Variants in CEMIP2 observed in about 807,000 individuals in gnomAD.
CEMIP2 encodes cell migration inducing hyaluronidase 2, also known as cell surface hyaluronidase CEMIP2.
CEMIP2 carries 79 observed loss-of-function variants against 146.9 expected under a neutral mutation model. The observed-to-expected ratio is 0.54, with a 90% confidence interval of 0.45 to 0.65. CEMIP2 has a LOEUF of 0.65. CEMIP2 is among the 30% of genes least tolerant of loss of function. The probability of loss-of-function intolerance (pLI) is 0.00; values close to 1 mark genes in which losing one functional copy is unlikely to be tolerated. For missense variants in CEMIP2, 1,596 were observed against 1,696.2 expected, an observed-to-expected ratio of 0.94 and a Z score of 1.04; for synonymous variants, 601 against 606.3, an observed-to-expected ratio of 0.99 and a Z score of 0.13.
chr9:71,725,705 G>A lies in CEMIP2; in HGVS notation c.2054C>T (p.Ala685Val). 6.2e-7 allele frequency: 1 copy of A among 1,611,858 alleles called. No individual in the cohort carries two copies. Among genetic ancestry groups the A allele is most frequent in the Non-Finnish European group, 8.5e-7 (1 of 1,178,988 alleles). Residue 685 changes from alanine to valine, a missense_variant, in exon 11 of 24, where the codon GCT becomes GTT. Coordinates refer to ENST00000377044, the MANE Select transcript of CEMIP2 (RefSeq NM_013390.3). ...INNAAAGSQDAGIWYLFHKEP... is the reference protein window; with the variant it reads ...INNAAAGSQDVGIWYLFHKEP... The stretch of plus-strand genomic sequence containing the variant: ...CTTGTGGAATAAATACCATATTCCA[G>A]CATCCTACAAATGAAAGGACAAGCC...
At chr9:71,693,747 A>G (rs1265496128) in intron 21 of CEMIP2, among the ~76,000 whole-genome samples, 1 of 152,248 alleles carries the variant, frequency 6.6e-6, no homozygotes, top group Non-Finnish European at 1.5e-5. Context: ...AATTCATGTC[A>G]CCAAGATAGA....
intron 1 of CEMIP2, among the ~76,000 whole-genome samples, chr9:71,753,986 T>A (rs2132027440): frequency 6.6e-6 from 1 of 152,278 alleles, no homozygotes; most frequent in East Asian, 1.9e-4. Flanking sequence ...TGACCACATG[T>A]TCTCACTCAT....
chr9:71,761,569 T>A (rs1824639035), intron 1 of CEMIP2, among the ~76,000 whole-genome samples: 1 of 152,226 alleles, frequency 6.6e-6, no homozygotes, highest in Non-Finnish European at 1.5e-5. Context: ...GTTGACTATT[T>A]CTTTCAACTG....
intron 10 of CEMIP2, among the ~76,000 whole-genome samples, chr9:71,728,229 CTCTATA>C (rs1457779826): frequency 4.1e-4 from 7 of 17,154 alleles, no homozygotes; most frequent in African/African-American, 8.4e-4. Context: ...CTCTCTCTCT[CTCTATA>C]TATATATATA....
At chr9:71,713,128 C>T (rs180716489) in intron 15 of CEMIP2, among the ~76,000 whole-genome samples, 34 of 152,276 alleles carry the variant, frequency 2.2e-4, no homozygotes, top group African/African-American at 8.2e-4. Context: ...TATGGTCTGG[C>T]TCTGTGTCCC....
chr9:71,755,204 T>TTA (rs55678260), intron 1 of CEMIP2, among the ~76,000 whole-genome samples: 7 of 150,932 alleles, frequency 4.6e-5, no homozygotes, highest in East Asian at 1.9e-4. Context: ...TTTTTTTTTT[T>TTA]ACCTATAAAA....
intron 1 of CEMIP2, among the ~76,000 whole-genome samples, chr9:71,756,493 C>G (rs1249088243): frequency 1.5e-5 from 2 of 136,892 alleles, no homozygotes; most frequent in Non-Finnish European, 3.2e-5. Context: ...CTCTCTCTCT[C>G]TCTCTCTCTC....
chr9:71,736,965 A>G (rs1823777496), intron 5 of CEMIP2, among the ~76,000 whole-genome samples: 1 of 151,930 alleles, frequency 6.6e-6, no homozygotes, highest in African/African-American at 2.4e-5. Flanking sequence ...CACTGAGTCC[A>G]GGAGACCAGC....
rs1444390274 is a variant in CEMIP2, at chr9:71,684,933, CG to C, written c.*263del. The C allele has an allele frequency of 3.3e-5, 13 of 393,064 alleles. No homozygotes were observed. In the East Asian group the frequency reaches 4.8e-4, roughly 14 times the overall value. 24.3% of individuals were successfully genotyped at this position (393,064 alleles called of 1,614,324 possible). On this transcript the variant is annotated 3_prime_UTR_variant, in exon 24 of 24. Transcript: ENST00000377044. The stretch of plus-strand genomic sequence containing the variant: ...CATTGCTCATGGTCATTACAAAATA[CG>C]GGGGTGGAAAGTGAGGAATAAGAGA...
intron 1 of CEMIP2, among the ~76,000 whole-genome samples, chr9:71,764,328 T>G (rs1179946803): frequency 1.3e-5 from 2 of 152,100 alleles, no homozygotes; most frequent in African/African-American, 2.4e-5. Flanking sequence ...AAGCAGTGAC[T>G]TTCAAAGCCC....
chr9:71,729,974 A>C (rs1419483283), intron 9 of CEMIP2, 60 bp from the exon 10 acceptor site: 6 of 1,612,868 alleles, frequency 3.7e-6, no homozygotes, highest in Non-Finnish European at 5.1e-6. Context: ...GCCCACTAAA[A>C]ACTTCCCCCA....
In CEMIP2 at chr9:71,698,112, G is replaced by A. The variant is rs781342591; in HGVS notation, c.3470C>T (p.Ala1157Val). 8.7e-6 allele frequency: 14 copies of A among 1,614,096 alleles called. No individual in the cohort carries two copies. Among genetic ancestry groups the A allele is most frequent in the Non-Finnish European group, 1.2e-5 (14 of 1,180,008 alleles). Residue 1157 changes from alanine to valine, a missense_variant, in exon 20 of 24, where the codon GCC (alanine) becomes GTC (valine). Transcript: ENST00000377044. ...GTTACTGATGTCCTTTGAGTCTGTG[G>A]CTGCTTGGATCTTGACTCTTTCACA... ...QGCERVKIQAATDSKDISNCM... is the reference protein window; with the variant it reads ...QGCERVKIQAVTDSKDISNCM...
rs1017718028 is a variant in CEMIP2 at position 71,685,014 on chromosome 9, G to T, written c.*183C>A. The T allele has an allele frequency of 1.9e-6, 1 of 530,184 alleles. No homozygotes were observed. Among genetic ancestry groups the T allele is most frequent in the Non-Finnish European group, 3.2e-6 (1 of 309,422 alleles). 32.8% of individuals were successfully genotyped at this position (530,184 alleles called of 1,614,324 possible). On this transcript the variant is annotated 3_prime_UTR_variant, in exon 24 of 24. Coordinates refer to ENST00000377044, the MANE Select transcript of CEMIP2 (RefSeq NM_013390.3). Reference sequence around the variant, plus strand: ...ATACAAACAACGTCTTTAACATTTTGTACAACTAGAAGGTGCATGAAGCTG... The same window carrying T: ...ATACAAACAACGTCTTTAACATTTTTTACAACTAGAAGGTGCATGAAGCTG...
In CEMIP2 at chr9:71,750,251, T is replaced by TGGA. The variant is rs1257132631; in HGVS notation, c.120_122dup (p.Pro41dup). The TGGA allele has an allele frequency of 6.2e-7, 1 of 1,614,102 alleles. No individual in the cohort carries two copies. Among genetic ancestry groups the TGGA allele is most frequent in the African/African-American group, 1.3e-5 (1 of 75,010 alleles). On this transcript the variant is annotated inframe_insertion, in exon 2 of 24. Transcript: ENST00000377044. ...TAAATTTGGCTGAAGCTTGACTCTT[T>TGGA]GGAGGAGGAGGGGGACGCAATGGGA...
intron 5 of CEMIP2, among the ~76,000 whole-genome samples, chr9:71,737,148 T>C (rs62549263): frequency 0.059 from 6,893 of 116,952 alleles, 250 homozygotes; most frequent in South Asian, 0.15. Context: ...AAGAGTAAGA[T>C]CTTTCTCAAA....
At chr9:71,744,226 T>TTA (rs1272329627) in intron 4 of CEMIP2, among the ~76,000 whole-genome samples, 1 of 151,970 alleles carries the variant, frequency 6.6e-6, no homozygotes, top group Non-Finnish European at 1.5e-5. Flanking sequence ...AGTTTAAAAA[T>TTA]TAGACAGGTG....
intron 2 of CEMIP2, among the ~76,000 whole-genome samples, chr9:71,747,643 G>C (rs1824126535): frequency 1.3e-5 from 2 of 152,146 alleles, no homozygotes; most frequent in African/African-American, 4.8e-5. Context: ...TAAGGTGGCA[G>C]GTACATGTTT....
intron 14 of CEMIP2, among the ~76,000 whole-genome samples, chr9:71,716,049 T>C (rs982935563): frequency 2.0e-5 from 3 of 152,148 alleles, no homozygotes; most frequent in African/African-American, 7.2e-5. Flanking sequence ...TTGTCCTGAA[T>C]ATAAGAATTA....
chr9:71,723,883 G>T (rs1435696746), intron 11 of CEMIP2, among the ~76,000 whole-genome samples: 1 of 152,038 alleles, frequency 6.6e-6, no homozygotes, highest in Admixed American at 6.5e-5. Flanking sequence ...ATCTCCTTTG[G>T]CTATAAAGTA....
Sources: gnomAD v4.1 joint callset for allele counts (sites outside exome capture counted in the v4.1 genomes callset) on GRCh38, gnomAD v4.1.1 for gene constraint, MANE v1.5 for transcripts, NCBI Gene and HGNC (gene_info 2026-07-23, HGNC 2026-07-21) for gene names.